Variants in GNAI1 observed in about 807,000 individuals in gnomAD.
GNAI1 encodes guanine nucleotide-binding protein G(i) subunit alpha-1.
In GNAI1, 11 loss-of-function variants were observed where a neutral mutation model predicts 38.9. The observed-to-expected ratio is 0.28, with a 90% CI of 0.18 to 0.47. The LOEUF (loss-of-function observed/expected upper bound fraction) is 0.47, where lower values mean the gene tolerates loss of function less well. Ranked by LOEUF, GNAI1 falls within the 20% of genes least tolerant of loss-of-function variation. The pLI, the probability that GNAI1 is intolerant of heterozygous loss-of-function variation, is 0.99. For missense variants in GNAI1, 317 were observed against 436.9 expected (o/e 0.73, Z 2.45); for synonymous variants, 166 against 145.1 (o/e 1.14, Z -1.04).
Position 80,135,067 on chromosome 7 carries a change from C to G in GNAI1, c.-94C>G. The G allele has an allele frequency of 3.7e-6, 3 of 808,942 alleles. No homozygotes were observed. The highest frequency in any genetic ancestry group is 3.7e-5 in the South Asian group (1 of 26,962). 50.1% of individuals were successfully genotyped at this position (808,942 alleles called of 1,614,324 possible). On this transcript the variant is annotated 5_prime_UTR_variant, in exon 1 of 8. Transcript: ENST00000649796. ...GGCGTGGCCCCCGTCGGGAGGCGTT[C>G]GAACGCCCGCTAGGAGAGAGAAAGG...
At chr7:80,212,200 T>A (rs1266127394) in intron 6 of GNAI1, among the ~76,000 whole-genome samples, 1 of 152,218 alleles carries the variant, frequency 6.6e-6, no homozygotes, top group Non-Finnish European at 1.5e-5. Context: ...CTATAAAATG[T>A]ATCAGTGCCC....
chr7:80,222,418 G>C lies in GNAI1; in HGVS notation c.*4925G>C, dbSNP rs118021686. ...TTTTTTTTTCCTGAGACAGAGTTTC[G>C]TTCTTGTTTCCCAGGCTGGAGCGCA... On this transcript the variant is annotated 3_prime_UTR_variant, in exon 8 of 8. Transcript: ENST00000649796. Among the ~76,000 whole-genome samples the C allele has an allele frequency of 2.4e-3, 289 of 119,734 alleles. 10 individuals carry two copies. In the East Asian group the frequency reaches 0.053, roughly 22 times the overall value. 78.6% of individuals were successfully genotyped at this position (119,734 alleles called of 152,430 possible).
chr7:80,161,389 G>C (rs1787921230), intron 1 of GNAI1, among the ~76,000 whole-genome samples: 1 of 152,082 alleles, frequency 6.6e-6, no homozygotes, highest in Non-Finnish European at 1.5e-5. Context: ...GTATTTTTTT[G>C]ATAAGCATTT....
chr7:80,222,004 G>T lies in GNAI1; in HGVS notation c.*4511G>T, dbSNP rs557608983. On this transcript the variant is annotated 3_prime_UTR_variant, in exon 8 of 8. Coordinates refer to ENST00000649796, the MANE Select transcript of GNAI1 (RefSeq NM_002069.6). ...AGTTGAAATGCATTTATATAAAGAA[G>T]TTTACGTTTCACAATCCCACTGGCC... is the stretch of plus-strand genomic sequence containing the variant. Among the ~76,000 whole-genome samples the T allele has an allele frequency of 1.8e-3, 270 of 152,216 alleles. 2 individuals are homozygous for T. Among genetic ancestry groups the T allele is most frequent in the African/African-American group, 6.2e-3 (259 of 41,534 alleles).
In GNAI1 at chr7:80,217,304, A is replaced by G. The variant is rs752711696; in HGVS notation, c.876A>G (p.Gly292=). 10 of 1,541,952 alleles carry G rather than the reference A, an allele frequency of 6.5e-6. No homozygotes were observed. Among genetic ancestry groups the G allele is most frequent in the Admixed American group, 4.1e-5 (2 of 48,206 alleles). The stretch of plus-strand genomic sequence containing the variant: ...GTTTCTTTCCTTTTTCCATCTCAGG[A>G]TCAAACACATATGAAGAGGCAGCTG... ...PLTICYPEYA[G]SNTYEEAAAY... Residue 292 remains glycine, a splice_region_variant and synonymous_variant, in exon 8 of 8, where the codon GGA becomes GGG. Coordinates refer to ENST00000649796, the MANE Select transcript of GNAI1 (RefSeq NM_002069.6).
chr7:80,168,984 A>T (rs1788058825), intron 1 of GNAI1, among the ~76,000 whole-genome samples: 1 of 152,094 alleles, frequency 6.6e-6, no homozygotes, highest in African/African-American at 2.4e-5. Context: ...CCAGAAACTT[A>T]CGCTTCATTT....
At chr7:80,206,627 T>C (rs17147931) in intron 5 of GNAI1, among the ~76,000 whole-genome samples, 26,312 of 151,814 alleles carry the variant, frequency 0.17, 3,718 homozygotes, top group African/African-American at 0.4. Flanking sequence ...TTTGGTTTTG[T>C]TCACCTTGTT....
rs1789028602 is a variant in GNAI1 at position 80,219,134 on chromosome 7, T to C, written c.*1641T>C. On this transcript the variant is annotated 3_prime_UTR_variant, in exon 8 of 8. Transcript: ENST00000649796. The stretch of plus-strand genomic sequence containing the variant: ...TGTAATGTAAAGAAATTCAAAGTTA[T>C]CAAAGTTCCTTAAATGTGTTAGTTT... 1 of 152,444 alleles carries C rather than the reference T, an allele frequency of 6.6e-6. No homozygotes were observed. Among genetic ancestry groups the C allele is most frequent in the Admixed American group, 6.6e-5 (1 of 15,238 alleles). The allele number at this position is 152,444 out of a possible 1,614,324, so 9.4% of individuals were successfully genotyped here.
At chr7:80,212,603 AC>A (rs1562845061) in intron 6 of GNAI1, 112 bp from the exon 7 acceptor site, 5 of 576,508 alleles carry the variant, frequency 8.7e-6, no homozygotes. Context: ...TTTTTGTGAT[AC>A]GTATTTTTCA....
chr7:80,143,199 C>T (rs1425027340), intron 1 of GNAI1, among the ~76,000 whole-genome samples: 2 of 152,074 alleles, frequency 1.3e-5, no homozygotes, highest in African/African-American at 4.8e-5. Flanking sequence ...TTACCAGATC[C>T]TTAAGAGAAT....
chr7:80,147,128 G>A (rs532117265), intron 1 of GNAI1, among the ~76,000 whole-genome samples: 1 of 152,032 alleles, frequency 6.6e-6, no homozygotes, highest in East Asian at 1.9e-4. Flanking sequence ...TTCAGGTCAG[G>A]CTGAAAGAGC....
chr7:80,225,951 T>G lies in GNAI1; in HGVS notation c.*8458T>G, dbSNP rs972047780. On this transcript the variant is annotated 3_prime_UTR_variant, in exon 8 of 8. Coordinates refer to ENST00000649796, the MANE Select transcript of GNAI1 (RefSeq NM_002069.6). The stretch of plus-strand genomic sequence containing the variant: ...GATACAGTGTGCATCAAATAAAAGT[T>G]TACTATATTGGAATATGGGAATAAA... 6.6e-6 allele frequency among the ~76,000 whole-genome samples: 1 copy of G among 152,032 alleles called. No homozygotes were observed. The highest frequency in any genetic ancestry group is 1.5e-5 in the Non-Finnish European group (1 of 67,986).
intron 1 of GNAI1, among the ~76,000 whole-genome samples, chr7:80,186,443 T>G (rs943958006): frequency 2.6e-5 from 4 of 152,300 alleles, no homozygotes; most frequent in East Asian, 1.9e-4. Flanking sequence ...TTTGAAGAGA[T>G]AAAAAGTTAA....
At chr7:80,144,434 C>T (rs529324190) in intron 1 of GNAI1, among the ~76,000 whole-genome samples, 2 of 152,204 alleles carry the variant, frequency 1.3e-5, no homozygotes, top group South Asian at 4.2e-4. Context: ...AGAAGAATGT[C>T]TTTAAAAGTG....
intron 1 of GNAI1, among the ~76,000 whole-genome samples, chr7:80,163,966 C>CT (rs1313381597): frequency 0.25 from 18,616 of 74,972 alleles, 1,766 homozygotes; most frequent in Middle Eastern, 0.29. Context: ...CTGGTGCTTT[C>CT]TTTTTTTTTT....
intron 3 of GNAI1, among the ~76,000 whole-genome samples, chr7:80,196,631 T>A (rs1339471316): frequency 6.6e-6 from 1 of 151,986 alleles, no homozygotes; most frequent in Non-Finnish European, 1.5e-5. Flanking sequence ...AGTAAGTTGC[T>A]TAACCTCTTT....
chr7:80,200,611 A>G (rs902689043), intron 4 of GNAI1, among the ~76,000 whole-genome samples: 5 of 152,164 alleles, frequency 3.3e-5, no homozygotes, highest in Non-Finnish European at 5.9e-5. Flanking sequence ...GAATAAATAA[A>G]TGAGGTGTGC....
chr7:80,138,810 C>T (rs1309192007), intron 1 of GNAI1, among the ~76,000 whole-genome samples: 2 of 152,088 alleles, frequency 1.3e-5, no homozygotes, highest in African/African-American at 2.4e-5. Context: ...AAATTCCACA[C>T]CCTTGTCTCC....
At chr7:80,176,435 A>G (rs991648031) in intron 1 of GNAI1, among the ~76,000 whole-genome samples, 2 of 152,198 alleles carry the variant, frequency 1.3e-5, no homozygotes, top group Non-Finnish European at 2.9e-5. Context: ...TGACTACACT[A>G]AACAACAGAT....
Sources: allele counts gnomAD v4.1 joint callset (sites outside exome capture counted in the v4.1 genomes callset), GRCh38; gene constraint gnomAD v4.1.1; transcripts MANE v1.5; gene names NCBI Gene and HGNC (gene_info 2026-07-23, HGNC 2026-07-21).